The following SHISA6 variants were observed in gnomAD, a reference collection of about 807,000 sequenced individuals.
SHISA6 encodes the protein shisa family member 6.
In SHISA6, 22 loss-of-function variants were observed where a neutral mutation model predicts 47.9. That is an observed-to-expected ratio of 0.46 (90% CI 0.33 to 0.66). SHISA6 has a LOEUF of 0.66. Ranked by LOEUF, SHISA6 falls within the 30% of genes least tolerant of loss-of-function variation. SHISA6 has a pLI of 0.02. For synonymous variants in SHISA6, 388 were observed against 337.8 expected (o/e 1.15, Z -1.63); for missense variants, 680 against 764.6 (o/e 0.89, Z 1.30).
At chr17:11,280,508 T>C (rs1432101406) in intron 2 of SHISA6, among the ~76,000 whole-genome samples, 5 of 152,226 alleles carry the variant, frequency 3.3e-5, no homozygotes, top group Non-Finnish European at 7.3e-5. Flanking sequence ...GAATTGTATA[T>C]GGACATCCAC....
At position 11,326,329 on chromosome 17, in the gene SHISA6, G is replaced by A. The variant is rs911106987; in HGVS notation, c.800-53085G>A. Among the ~76,000 whole-genome samples, 29 of 151,638 alleles carry A rather than the reference G, an allele frequency of 1.9e-4. 1 individual carries two copies. Among genetic ancestry groups the A allele is most frequent in the South Asian group, 2.1e-4 (1 of 4,800 alleles). ...GGGCAAGGACAAGGAAGGTAGTGGA[G>A]GTCAGCTGCTTTCTCTACTCCCCTC... On this transcript the variant is annotated intron_variant, in intron 2 of 5. Coordinates refer to ENST00000441885, the MANE Select transcript of SHISA6 (RefSeq NM_207386.4).
intron 2 of SHISA6, among the ~76,000 whole-genome samples, chr17:11,346,815 A>C (rs1911714384): frequency 6.6e-6 from 1 of 152,210 alleles, no homozygotes; most frequent in Non-Finnish European, 1.5e-5. Flanking sequence ...ACTGATGATG[A>C]CATATTCATG....
At chr17:11,378,539 G>A (rs1216642344) in intron 2 of SHISA6, among the ~76,000 whole-genome samples, 1 of 152,194 alleles carries the variant, frequency 6.6e-6, no homozygotes. Context: ...CATACTTTAG[G>A]AGGGCATTTA....
intron 2 of SHISA6, among the ~76,000 whole-genome samples, chr17:11,372,784 C>T (rs1912671147): frequency 6.6e-6 from 1 of 151,998 alleles, no homozygotes; most frequent in Non-Finnish European, 1.5e-5. Flanking sequence ...TTCAGCCGTG[C>T]ATGGTTGTAC....
At chr17:11,528,006 G>T (rs2071700570) in intron 3 of SHISA6, among the ~76,000 whole-genome samples, 1 of 152,070 alleles carries the variant, frequency 6.6e-6, no homozygotes. Context: ...GTACTCATTG[G>T]TATATTAATT....
chr17:11,355,095 G>A (rs1912037801), intron 2 of SHISA6, among the ~76,000 whole-genome samples: 1 of 152,204 alleles, frequency 6.6e-6, no homozygotes, highest in Non-Finnish European at 1.5e-5. Context: ...TGAGAGTGAA[G>A]CCCTTTATTA....
rs1051029776 is a variant in SHISA6 at position 11,559,764 on chromosome 17, G to A, written c.*1460G>A. The stretch of plus-strand genomic sequence containing the variant: ...CTCTGTTGGGGGACCGCCACTGCCC[G>A]CCCACCTCAGCCTCTTCCCCGCCTC... On this transcript the variant is annotated 3_prime_UTR_variant, in exon 6 of 6. Transcript: ENST00000441885. The surrounding 1 kb of genome is among the most constrained non-coding windows in gnomAD (Gnocchi z 4.4). The A allele has an allele frequency of 5.2e-5, 8 of 152,606 alleles. No homozygotes were observed. Among genetic ancestry groups the A allele is most frequent in the East Asian group, 3.9e-4 (2 of 5,164 alleles). The allele number at this position is 152,606 out of a possible 1,614,324, so 9.5% of individuals were successfully genotyped here.
intron 3 of SHISA6, among the ~76,000 whole-genome samples, chr17:11,543,982 T>A (rs1387387748): frequency 7.4e-6 from 1 of 134,842 alleles, no homozygotes; most frequent in African/African-American, 2.8e-5. Context: ...TAACTCAAAA[T>A]AGATCAGGTA....
At chr17:11,321,893 T>G (rs1446856764) in intron 2 of SHISA6, among the ~76,000 whole-genome samples, 1 of 152,158 alleles carries the variant, frequency 6.6e-6, no homozygotes, top group Non-Finnish European at 1.5e-5. Flanking sequence ...GCTCATCAGC[T>G]ATTGTTAGTG....
chr17:11,380,193 A>T (rs1476889410), intron 3 of SHISA6: 1 of 152,222 alleles, frequency 6.6e-6, no homozygotes, highest in African/African-American at 2.4e-5. Context: ...CTGGATCCCT[A>T]ACTCCTTTAA....
chr17:11,407,770 A>C (rs1227792282), intron 3 of SHISA6, among the ~76,000 whole-genome samples: 1 of 151,946 alleles, frequency 6.6e-6, no homozygotes, highest in Non-Finnish European at 1.5e-5. Context: ...TTTTGGATCT[A>C]CCAGAAACCT....
At chr17:11,432,609 T>C (rs1174735237) in intron 3 of SHISA6, among the ~76,000 whole-genome samples, 5 of 152,142 alleles carry the variant, frequency 3.3e-5, no homozygotes, top group African/African-American at 1.2e-4. Flanking sequence ...GAATAACTCA[T>C]AAAAACAAAG....
At chr17:11,249,929 A>T (rs1270351583) in intron 1 of SHISA6, among the ~76,000 whole-genome samples, 1 of 152,192 alleles carries the variant, frequency 6.6e-6, no homozygotes, top group Non-Finnish European at 1.5e-5. Context: ...TCTGCACAGG[A>T]GTGCCTGGCA....
chr17:11,543,910 C>CAAAAAAAA (rs200573876), intron 3 of SHISA6, among the ~76,000 whole-genome samples: 1 of 96,390 alleles, frequency 1.0e-5, no homozygotes, highest in African/African-American at 3.5e-5. Flanking sequence ...TATTTATAAG[C>CAAAAAAAA]AAAAAAAAAA....
intron 2 of SHISA6, among the ~76,000 whole-genome samples, chr17:11,369,672 A>C (rs1416608380): frequency 3.9e-5 from 6 of 152,214 alleles, no homozygotes; most frequent in African/African-American, 1.4e-4. Flanking sequence ...TCCTCCCTGC[A>C]GAGCACCACA....
rs1567588459 is a variant in SHISA6 at position 11,375,960 on chromosome 17, C to T, written c.800-3454C>T. On this transcript the variant is annotated intron_variant, in intron 2 of 5. Transcript: ENST00000441885. The stretch of plus-strand genomic sequence containing the variant: ...CTGAAACCTGAAACCATCCTGGTCC[C>T]TGGCTGTGGACTGTGTGTCTGTCCG... Among the ~76,000 whole-genome samples, 2 of 152,160 alleles carry T rather than the reference C, an allele frequency of 1.3e-5. 1 individual carries two copies. The highest frequency in any genetic ancestry group is 4.8e-5 in the African/African-American group (2 of 41,426).
intron 3 of SHISA6, among the ~76,000 whole-genome samples, chr17:11,465,295 A>C (rs1259820727): frequency 6.6e-6 from 1 of 152,138 alleles, no homozygotes; most frequent in Non-Finnish European, 1.5e-5. Flanking sequence ...GTGTCTTTTA[A>C]ATTATTTTAA....
intron 2 of SHISA6, among the ~76,000 whole-genome samples, chr17:11,361,807 G>A (rs1912297229): frequency 1.3e-5 from 2 of 152,316 alleles, no homozygotes; most frequent in South Asian, 2.1e-4. Flanking sequence ...CAATAAAGGT[G>A]GGACTTGGTC....
chr17:11,454,851 C>T (rs958188033), intron 3 of SHISA6, among the ~76,000 whole-genome samples: 11 of 152,146 alleles, frequency 7.2e-5, no homozygotes, highest in Non-Finnish European at 1.0e-4. Context: ...GGAGCAGTTC[C>T]TGACACATAG....
Sources: allele counts gnomAD v4.1 joint callset (sites outside exome capture counted in the v4.1 genomes callset), GRCh38; gene constraint gnomAD v4.1.1; non-coding constraint Gnocchi (gnomAD v3.1); transcripts MANE v1.5; gene names NCBI Gene and HGNC (gene_info 2026-07-23, HGNC 2026-07-21).